The following GRIA1 variants were observed in gnomAD, a reference collection of about 807,000 sequenced individuals.
GRIA1 encodes the protein glutamate ionotropic receptor AMPA type subunit 1, also known as glutamate receptor 1.
In GRIA1, 31 loss-of-function variants were observed where a neutral mutation model predicts 99.2. That is an observed-to-expected ratio of 0.31 (90% CI 0.23 to 0.42). GRIA1 has a LOEUF of 0.42. GRIA1 is among the 10% of genes least tolerant of loss of function. GRIA1 has a pLI of 1.00. For synonymous variants in GRIA1, 438 were observed against 432.4 expected (o/e 1.01, Z -0.16); for missense variants, 782 against 1,157.5 (o/e 0.68, Z 4.71).
At chr5:153,551,969 C>T (rs552877462) in intron 2 of GRIA1, among the ~76,000 whole-genome samples, 16 of 152,214 alleles carry the variant, frequency 1.1e-4, no homozygotes, top group South Asian at 1.0e-3. Flanking sequence ...TCATCCTCTC[C>T]GAAGCAGTCA....
chr5:153,590,269 T>C (rs116336172), intron 2 of GRIA1, among the ~76,000 whole-genome samples: 1,628 of 152,168 alleles, frequency 0.011, 32 homozygotes, highest in African/African-American at 0.038. Flanking sequence ...TCCAAGAAAG[T>C]GTTGCATTAT....
intron 2 of GRIA1, among the ~76,000 whole-genome samples, chr5:153,568,974 G>A (rs1761889032): frequency 6.6e-6 from 1 of 151,938 alleles, no homozygotes; most frequent in African/African-American, 2.4e-5. Context: ...TCAAGGCTCT[G>A]CTGAAATCCC....
At chr5:153,624,108 C>T (rs893667456) in intron 2 of GRIA1, among the ~76,000 whole-genome samples, 22 of 152,176 alleles carry the variant, frequency 1.4e-4, no homozygotes, top group African/African-American at 5.3e-4. Context: ...CCCCAGCTCA[C>T]CTTGACATTT....
At chr5:153,617,217 A>G (rs1581338943) in intron 2 of GRIA1, among the ~76,000 whole-genome samples, 1 of 152,324 alleles carries the variant, frequency 6.6e-6, no homozygotes, top group African/African-American at 2.4e-5. Flanking sequence ...AGCTCTGTAA[A>G]TTAGTGAGTT....
chr5:153,536,914 CTAT>C (rs1758630407), intron 2 of GRIA1, among the ~76,000 whole-genome samples: 1 of 152,140 alleles, frequency 6.6e-6, no homozygotes, highest in South Asian at 2.1e-4. Context: ...TGAGATAAGA[CTAT>C]CTGGGTTTTA....
At chr5:153,643,228 A>C (rs1753900738) in intron 2 of GRIA1, among the ~76,000 whole-genome samples, 1 of 152,240 alleles carries the variant, frequency 6.6e-6, no homozygotes, top group African/African-American at 2.4e-5. Flanking sequence ...AGACTCTAGA[A>C]TGTCAGAGTC....
rs772642837 is a variant in GRIA1, at chr5:153,764,643, C to G, written c.2022+11C>G. 4.4e-6 allele frequency: 7 copies of G among 1,594,986 alleles called. No homozygotes were observed. Among genetic ancestry groups the G allele is most frequent in the Non-Finnish European group, 6.0e-6 (7 of 1,162,714 alleles). On this transcript the variant is annotated intron_variant, in intron 12 of 15. Transcript: ENST00000285900. ...AAGGAGTTCTTCAGGGTAGGGACAT[C>G]CTTTGTCCCAAGACACTTTCACAAA... is the stretch of plus-strand genomic sequence containing the variant.
In GRIA1 at chr5:153,710,843, T is replaced by A. The variant is rs532072349; in HGVS notation, c.1823+4776T>A. ...ATTATCGTGAATGTGTAAGTTGGGATGTGCTATGAATAAAATGAACCTGCT... is the reference window on the plus strand; with the variant it reads ...ATTATCGTGAATGTGTAAGTTGGGAAGTGCTATGAATAAAATGAACCTGCT... On this transcript the variant is annotated intron_variant, in intron 11 of 15. Transcript: ENST00000285900. 1.6e-4 allele frequency among the ~76,000 whole-genome samples: 25 copies of A among 152,286 alleles called. 1 individual carries two copies. The South Asian group carries it at 5.2e-3, about 32-fold the overall frequency.
chr5:153,598,616 T>C (rs1212065987), intron 2 of GRIA1, among the ~76,000 whole-genome samples: 1 of 152,164 alleles, frequency 6.6e-6, no homozygotes, highest in Non-Finnish European at 1.5e-5. Flanking sequence ...CTTATTAGCC[T>C]CCCTTAACTG....
At position 153,504,181 on chromosome 5, in the gene GRIA1, G is replaced by C. The variant is rs563139145; in HGVS notation, c.220+10116G>C. Among the ~76,000 whole-genome samples, 7 of 152,088 alleles carry C rather than the reference G, an allele frequency of 4.6e-5. No homozygotes were observed. In the East Asian group the frequency reaches 9.7e-4, roughly 21 times the overall value. ...ATCATCATTTTTAGAGCTTGGGGTA[G>C]TGAGAAGAACCAAAAGATTGTGGAT... On this transcript the variant is annotated intron_variant, in intron 2 of 15. Transcript: ENST00000285900.
intron 1 of GRIA1, 178 bp downstream of exon 1, chr5:153,491,148 C>T: frequency 9.3e-6 from 9 of 972,130 alleles, no homozygotes; most frequent in Non-Finnish European, 1.4e-5. Flanking sequence ...TTCTCCTGAT[C>T]GGATGAGGGG....
intron 3 of GRIA1, among the ~76,000 whole-genome samples, chr5:153,649,634 T>C (rs1003578059): frequency 1.4e-5 from 2 of 147,298 alleles, no homozygotes; most frequent in African/African-American, 5.4e-5. Flanking sequence ...ATTTTTGTAA[T>C]TTTTTTTAGT....
chr5:153,491,227 G>A (rs1156974561), intron 1 of GRIA1: 3 of 1,323,246 alleles, frequency 2.3e-6, no homozygotes, highest in Non-Finnish European at 2.9e-6. Context: ...GTGAAATGGA[G>A]GAACCATCGC....
intron 2 of GRIA1, among the ~76,000 whole-genome samples, chr5:153,503,406 G>A (rs749619341): frequency 3.3e-5 from 5 of 152,188 alleles, no homozygotes; most frequent in African/African-American, 1.2e-4. Flanking sequence ...TATTAGAACA[G>A]GCAAGTGCCA....
intron 6 of GRIA1, 137 bp from the exon 7 acceptor site, chr5:153,676,857 C>A: frequency 1.9e-6 from 1 of 527,228 alleles, no homozygotes; most frequent in African/African-American, 1.9e-5. Flanking sequence ...TCACCACTGT[C>A]TGCCCCACGT....
At chr5:153,601,395 T>A (rs901912885) in intron 2 of GRIA1, among the ~76,000 whole-genome samples, 11 of 152,222 alleles carry the variant, frequency 7.2e-5, no homozygotes, top group Non-Finnish European at 1.0e-4. Flanking sequence ...AGACTTTTTT[T>A]AATATCTTAC....
At chr5:153,511,766 T>A (rs1043625898) in intron 2 of GRIA1, among the ~76,000 whole-genome samples, 2 of 152,208 alleles carry the variant, frequency 1.3e-5, no homozygotes, top group African/African-American at 4.8e-5. Context: ...CCAGGCTCCC[T>A]GTCAATTTTT....
intron 1 of GRIA1, among the ~76,000 whole-genome samples, chr5:153,491,698 A>T (rs1753934253): frequency 6.6e-6 from 1 of 151,812 alleles, no homozygotes; most frequent in African/African-American, 2.4e-5. Flanking sequence ...CCTTTTACAC[A>T]CACAAACACA....
intron 5 of GRIA1, among the ~76,000 whole-genome samples, chr5:153,672,011 G>C (rs919001575): frequency 6.6e-6 from 1 of 152,164 alleles, no homozygotes. Flanking sequence ...CTGAAACAAG[G>C]ATTCAAGTAC....
Sources: gnomAD v4.1 joint callset for allele counts (sites outside exome capture counted in the v4.1 genomes callset) on GRCh38, gnomAD v4.1.1 for gene constraint, MANE v1.5 for transcripts, NCBI Gene and HGNC (gene_info 2026-07-23, HGNC 2026-07-21) for gene names.